The following FSTL1 variants were observed in gnomAD, a reference collection of about 807,000 sequenced individuals.
FSTL1 encodes follistatin-related protein 1.
In FSTL1, 24 loss-of-function variants were observed where a neutral mutation model predicts 45.9. The ratio of observed to expected loss-of-function variants is 0.52; its 90% CI spans 0.38 to 0.74. The LOEUF is 0.74. Ranked by LOEUF, FSTL1 falls within the 30% of genes least tolerant of loss-of-function variation. The pLI, the probability that FSTL1 is intolerant of heterozygous loss-of-function variation, is 0.00. For synonymous variants in FSTL1, 120 were observed against 137.6 expected (o/e 0.87, Z 0.89); for missense variants, 340 against 381.8 (o/e 0.89, Z 0.91).
rs1203619276 is a variant in FSTL1 at position 120,427,248 on chromosome 3, T to A, written c.64-11221A>T. The stretch of plus-strand genomic sequence containing the variant: ...CCTTTTACTTTCTACTGGTATGAAT[T>A]CCCCCTTCCTTCTCTGAACTTTGAT... On this transcript the variant is annotated intron_variant, in intron 2 of 10. Coordinates refer to ENST00000295633, the MANE Select transcript of FSTL1 (RefSeq NM_007085.5). Among the ~76,000 whole-genome samples, 15 of 152,180 alleles carry A rather than the reference T, an allele frequency of 9.9e-5. 1 individual carries two copies. The highest frequency in any genetic ancestry group is 9.8e-4 in the Admixed American group (15 of 15,280).
chr3:120,399,438 C>A (rs1433562509), intron 10 of FSTL1, among the ~76,000 whole-genome samples: 9 of 152,224 alleles, frequency 5.9e-5, no homozygotes. Context: ...CCACTGCTTT[C>A]ATGCTCACTG....
chr3:120,411,480 C>A (rs1328948783), intron 4 of FSTL1, among the ~76,000 whole-genome samples: 1 of 152,076 alleles, frequency 6.6e-6, no homozygotes, highest in East Asian at 1.9e-4. Flanking sequence ...TGAGAGGTGC[C>A]CAAATTAAAA....
At chr3:120,414,042 C>T (rs1374046733) in intron 3 of FSTL1, among the ~76,000 whole-genome samples, 4 of 148,442 alleles carry the variant, frequency 2.7e-5, no homozygotes, top group East Asian at 2.0e-4. Context: ...CTCGGCCTCC[C>T]GAGGTGCCGG....
chr3:120,396,836 T>A lies in FSTL1; in HGVS notation c.*116A>T. Reference sequence around the variant, plus strand: ...AAACAAATAAACAAAATAAAACTCATTGCTATATAAGCAAATACTGGTGAT... The same window carrying A: ...AAACAAATAAACAAAATAAAACTCAATGCTATATAAGCAAATACTGGTGAT... On this transcript the variant is annotated 3_prime_UTR_variant, in exon 11 of 11. Transcript: ENST00000295633. 1 of 766,808 alleles carries A rather than the reference T, an allele frequency of 1.3e-6. No homozygotes were observed. Among genetic ancestry groups the A allele is most frequent in the South Asian group, 1.5e-5 (1 of 66,840 alleles). 47.5% of individuals were successfully genotyped at this position (766,808 alleles called of 1,614,324 possible).
In FSTL1 at chr3:120,406,541, C is replaced by T. The variant is rs530948674; in HGVS notation, c.463-1570G>A. Among the ~76,000 whole-genome samples the T allele has an allele frequency of 5.3e-5, 8 of 152,342 alleles. 1 individual carries two copies. In the South Asian group the frequency reaches 1.4e-3, roughly 28 times the overall value. On this transcript the variant is annotated intron_variant, in intron 6 of 10. Coordinates refer to ENST00000295633, the MANE Select transcript of FSTL1 (RefSeq NM_007085.5). ...GCTGTGTACACACACTTCAGTAGGACTAGAATAAGGCCTGCAGCTGGGGGA... is the reference window on the plus strand; with the variant it reads ...GCTGTGTACACACACTTCAGTAGGATTAGAATAAGGCCTGCAGCTGGGGGA...
At chr3:120,400,441 T>C (rs1936799444) in intron 9 of FSTL1, among the ~76,000 whole-genome samples, 1 of 152,258 alleles carries the variant, frequency 6.6e-6, no homozygotes, top group East Asian at 1.9e-4. Context: ...TTGGTTCTAA[T>C]GTGCAGCCAG....
Position 120,450,898 on chromosome 3 carries a change from G to T in FSTL1, c.-2C>A. 1.8e-6 allele frequency: 1 copy of T among 543,552 alleles called. No homozygotes were observed. Among genetic ancestry groups the T allele is most frequent in the South Asian group, 2.5e-5 (1 of 40,632 alleles). The allele number at this position is 543,552 out of a possible 1,614,324, so 33.7% of individuals were successfully genotyped here. A position where few individuals can be genotyped will look rare whatever the true frequency, so the allele number is the denominator to read the frequency against. Reference sequence around the variant, plus strand: ...CCGCGCCGTGCGCCCTGCGCTCACCGTGGTCTGGTCCAGGTCTCCTGGGGG... The same window carrying T: ...CCGCGCCGTGCGCCCTGCGCTCACCTTGGTCTGGTCCAGGTCTCCTGGGGG... On this transcript the variant is annotated splice_region_variant and 5_prime_UTR_variant, in exon 1 of 11. Transcript: ENST00000295633.
chr3:120,433,333 G>A lies in FSTL1; in HGVS notation c.64-17306C>T, dbSNP rs1937508982. ...TATCATGTCCAAGATTAAGCAAACT[G>A]TTGACGGGCAAGTGCTGTCAACCAT... On this transcript the variant is annotated intron_variant, in intron 2 of 10. Transcript: ENST00000295633. Among the ~76,000 whole-genome samples, 3 of 152,200 alleles carry A rather than the reference G, an allele frequency of 2.0e-5. No homozygotes were observed. In the South Asian group the frequency reaches 6.2e-4, roughly 32 times the overall value.
At chr3:120,438,953 T>G (rs1438404893) in intron 2 of FSTL1, among the ~76,000 whole-genome samples, 2 of 152,230 alleles carry the variant, frequency 1.3e-5, no homozygotes, top group Non-Finnish European at 1.5e-5. Context: ...TGTGTGCGAC[T>G]CGTTGCCAGT....
At position 120,396,972 on chromosome 3, in the gene FSTL1, C is replaced by A; in HGVS notation, c.907G>T (p.Val303Leu). 2 of 1,612,294 alleles carry A rather than the reference C, an allele frequency of 1.2e-6. No homozygotes were observed. Residue 303 changes from valine to leucine, a missense_variant, in exon 11 of 11, where the codon GTG (valine) becomes TTG (leucine). Transcript: ENST00000295633. ...HQETAEKTKR[V>L]STKEI ...CCTCATTAGATCTCTTTGGTGCTCA[C>A]TCTCTTGGTCTTTTCAGCTGTTTCC...
At chr3:120,417,772 T>G (rs955140766) in intron 2 of FSTL1, among the ~76,000 whole-genome samples, 2 of 152,190 alleles carry the variant, frequency 1.3e-5, no homozygotes, top group Non-Finnish European at 2.9e-5. Context: ...CTCAGACACA[T>G]GCCTGCACTC....
chr3:120,400,179 C>T (rs1170172985), intron 9 of FSTL1: 3 of 570,480 alleles, frequency 5.3e-6, no homozygotes, highest in Admixed American at 3.0e-5. Flanking sequence ...CAACTCCTCT[C>T]TGGCCTTTGT....
chr3:120,416,919 C>T (rs1039544084), intron 2 of FSTL1, among the ~76,000 whole-genome samples: 1 of 152,206 alleles, frequency 6.6e-6, no homozygotes, highest in Non-Finnish European at 1.5e-5. Context: ...GTTGGTGGCT[C>T]ATCCCTTCCC....
At position 120,403,358 on chromosome 3, in the gene FSTL1, A is replaced by C; in HGVS notation, c.582-4T>G. ...GAGAGCATCAACACAGAGTCCCCTG[A>C]AACAAAACACAGGAGAAATGTGTTA... On this transcript the variant is annotated splice_polypyrimidine_tract_variant and splice_region_variant and intron_variant, in intron 7 of 10. Coordinates refer to ENST00000295633, the MANE Select transcript of FSTL1 (RefSeq NM_007085.5). The C allele has an allele frequency of 1.3e-6, 2 of 1,540,890 alleles. No individual in the cohort carries two copies. The highest frequency in any genetic ancestry group is 1.8e-6 in the Non-Finnish European group (2 of 1,113,068).
Position 120,394,888 on chromosome 3 carries a change from G to A in FSTL1, c.*2064C>T, listed in dbSNP as rs1936665382. The A allele has an allele frequency of 6.6e-6, 1 of 152,250 alleles. No individual in the cohort carries two copies. The highest frequency in any genetic ancestry group is 2.4e-5 in the African/African-American group (1 of 41,452). 9.4% of individuals were successfully genotyped at this position (152,250 alleles called of 1,614,324 possible). On this transcript the variant is annotated 3_prime_UTR_variant, in exon 11 of 11. Coordinates refer to ENST00000295633, the MANE Select transcript of FSTL1 (RefSeq NM_007085.5). ...GTTGCAGGGTAGAGTAGTCTTGGAT[G>A]ATAACCATGTTCTAAATGACTAGTG...
intron 2 of FSTL1, among the ~76,000 whole-genome samples, chr3:120,426,216 A>G (rs1005598122): frequency 6.6e-6 from 1 of 152,118 alleles, no homozygotes; most frequent in African/African-American, 2.4e-5. Flanking sequence ...AGAAGGGAGA[A>G]AGCTCTAGGG....
intron 2 of FSTL1, among the ~76,000 whole-genome samples, chr3:120,433,313 T>C (rs1937508792): frequency 6.6e-6 from 1 of 152,228 alleles, no homozygotes. Flanking sequence ...ACTACTATCA[T>C]GTCCAAGATT....
intron 6 of FSTL1, among the ~76,000 whole-genome samples, chr3:120,408,255 C>G (rs1936984607): frequency 2.0e-5 from 3 of 152,206 alleles, no homozygotes; most frequent in Non-Finnish European, 2.9e-5. Context: ...CATTCTTCCT[C>G]TAAGGGCTCT....
intron 2 of FSTL1, 59 bp from the exon 3 acceptor site, chr3:120,416,086 G>T: frequency 8.6e-7 from 1 of 1,169,548 alleles, no homozygotes; most frequent in Non-Finnish European, 1.3e-6. Context: ...TATGGAATGA[G>T]CCCATAATGA....
Sources: allele counts gnomAD v4.1 joint callset (sites outside exome capture counted in the v4.1 genomes callset), GRCh38; gene constraint gnomAD v4.1.1; transcripts MANE v1.5; gene names NCBI Gene and HGNC (gene_info 2026-07-23, HGNC 2026-07-21).